ATL2: variants seen among roughly 807,000 people sequenced by gnomAD.
ATL2 encodes atlastin-2.
In ATL2, 31 loss-of-function variants were observed where a neutral mutation model predicts 73.9. The ratio of observed to expected loss-of-function variants is 0.42; its 90% CI spans 0.32 to 0.57. The LOEUF is 0.57. ATL2 is among the 20% of genes least tolerant of loss of function. ATL2 has a pLI of 0.14. For synonymous variants in ATL2, 291 were observed against 237.5 expected, an observed-to-expected ratio of 1.23 and a Z score of -2.07; for missense variants, 738 against 702.6, an observed-to-expected ratio of 1.05 and a Z score of -0.57.
intron 2 of ATL2, among the ~76,000 whole-genome samples, chr2:38,326,624 G>C (rs1668678041): frequency 6.6e-6 from 1 of 152,174 alleles, no homozygotes; most frequent in African/African-American, 2.4e-5. Context: ...AATCTTGAAA[G>C]AAGCCAGGAA....
intron 9 of ATL2, among the ~76,000 whole-genome samples, chr2:38,303,454 A>C (rs1242689279): frequency 6.6e-6 from 1 of 152,050 alleles, no homozygotes; most frequent in East Asian, 1.9e-4. Context: ...AGCCTCCCAA[A>C]GTGCTAGGAT....
At chr2:38,358,803 G>A (rs985518844) in intron 1 of ATL2, 4 of 152,774 alleles carry the variant, frequency 2.6e-5, no homozygotes, top group East Asian at 1.9e-4. Flanking sequence ...AATCACCTGG[G>A]TGAGCTTTTA....
In ATL2 at chr2:38,310,445, T is replaced by C; in HGVS notation, c.807A>G (p.Val269=). 10 of 1,590,074 alleles carry C rather than the reference T, an allele frequency of 6.3e-6. No individual in the cohort carries two copies. The highest frequency in any genetic ancestry group is 8.5e-6 in the Non-Finnish European group (10 of 1,171,252). The change falls in exon 8 of 13, where the codon GTA becomes GTG. Residue 269 remains valine (V), a splice_region_variant and synonymous_variant. Coordinates refer to ENST00000378954, the MANE Select transcript of ATL2 (RefSeq NM_001135673.4). The stretch of plus-strand genomic sequence containing the variant: ...GAAGCTCTTCATGTTGATTTTGTTT[T>C]ACCTGAGGGCGGAGAGAGACAGGTG... The part of the protein sequence containing the change: ...GKQFLEKRLQ[V]KQNQHEELQN...
intron 2 of ATL2, among the ~76,000 whole-genome samples, chr2:38,328,571 C>T (rs557174093): frequency 6.6e-6 from 1 of 152,132 alleles, no homozygotes; most frequent in Admixed American, 6.5e-5. Flanking sequence ...AACAACTCAC[C>T]TCAAAATGAC....
chr2:38,298,716 G>C, intron 11 of ATL2, 141 bp from the exon 12 acceptor site: 1 of 824,512 alleles, frequency 1.2e-6, no homozygotes, highest in Admixed American at 2.7e-5. Context: ...TACCTCACAG[G>C]TTATCATAAT....
chr2:38,360,036 AC>A (rs1359844707), intron 1 of ATL2, among the ~76,000 whole-genome samples: 17 of 151,550 alleles, frequency 1.1e-4, no homozygotes, highest in Non-Finnish European at 1.6e-4. Context: ...AGGCTGAGAC[AC>A]GAGAATCACT....
chr2:38,365,559 G>C (rs1249385449), intron 1 of ATL2, among the ~76,000 whole-genome samples: 2 of 152,216 alleles, frequency 1.3e-5, no homozygotes, highest in South Asian at 2.1e-4. Flanking sequence ...CGGAGGCCAA[G>C]GTGGGTGAAT....
intron 1 of ATL2, among the ~76,000 whole-genome samples, chr2:38,355,786 G>A (rs12712589): frequency 0.28 from 42,295 of 148,516 alleles, 6,013 homozygotes; most frequent in South Asian, 0.36. Flanking sequence ...TGCAACCCCC[G>A]TCTTGCAGGT....
In ATL2 at chr2:38,343,526, A is replaced by C; in HGVS notation, c.119-14T>G. 6.3e-7 allele frequency: 1 copy of C among 1,597,890 alleles called. No individual in the cohort carries two copies. The highest frequency in any genetic ancestry group is 8.5e-7 in the Non-Finnish European group (1 of 1,172,828). On this transcript the variant is annotated splice_polypyrimidine_tract_variant and intron_variant, in intron 1 of 12. Coordinates refer to ENST00000378954, the MANE Select transcript of ATL2 (RefSeq NM_001135673.4). ...CATAATTCTCACCTAGAATTTAAAA[A>C]GAAAGAAACTGGTTACTTTAATCCC...
chr2:38,337,287 CCAGCCTAA>C (rs1462903333), intron 2 of ATL2, among the ~76,000 whole-genome samples: 1 of 151,610 alleles, frequency 6.6e-6, no homozygotes, highest in Non-Finnish European at 1.5e-5. Context: ...GAGTTCCATA[CCAGCCTAA>C]CCAACATGGT....
intron 1 of ATL2, among the ~76,000 whole-genome samples, chr2:38,375,720 T>C (rs1671922783): frequency 6.6e-6 from 1 of 152,254 alleles, no homozygotes; most frequent in African/African-American, 2.4e-5. Flanking sequence ...TCCATCCGCA[T>C]TCCAAAACAA....
At chr2:38,303,632 A>C (rs1667297101) in intron 9 of ATL2, among the ~76,000 whole-genome samples, 1 of 152,218 alleles carries the variant, frequency 6.6e-6, no homozygotes, top group Non-Finnish European at 1.5e-5. Context: ...AATAGCCCCA[A>C]AAGGGCAAAT....
intron 1 of ATL2, among the ~76,000 whole-genome samples, chr2:38,356,827 G>C (rs1670696735): frequency 6.6e-6 from 1 of 151,436 alleles, no homozygotes. Context: ...TTCTATACAT[G>C]TTTCCTCTTG....
chr2:38,303,654 T>C (rs10179857), intron 9 of ATL2, among the ~76,000 whole-genome samples: 55,711 of 152,048 alleles, frequency 0.37, 10,409 homozygotes, highest in South Asian at 0.48. Flanking sequence ...TAAGAGTTCA[T>C]TGCCTTAAAG....
chr2:38,306,175 C>T (rs1397424529), intron 9 of ATL2, among the ~76,000 whole-genome samples: 3 of 152,144 alleles, frequency 2.0e-5, no homozygotes, highest in Non-Finnish European at 4.4e-5. Context: ...ACATATACAA[C>T]CTACCAAGAT....
At chr2:38,305,830 G>C (rs901678086) in intron 9 of ATL2, among the ~76,000 whole-genome samples, 2 of 151,692 alleles carry the variant, frequency 1.3e-5, no homozygotes, top group African/African-American at 2.4e-5. Context: ...CAAAAAAGAG[G>C]AAACACTTCA....
chr2:38,297,100 T>A (rs1228033556), intron 12 of ATL2, among the ~76,000 whole-genome samples: 1 of 152,208 alleles, frequency 6.6e-6, no homozygotes. Flanking sequence ...AACTTCCCAA[T>A]CGGATCTGAA....
chr2:38,298,033 C>G lies in ATL2; in HGVS notation c.1632+111G>C, dbSNP rs1170457763. ...TACATCTGAACAAAACAGAAGACATCCTTTTGACATTCCTCACATGAAGGC... is the reference window on the plus strand; with the variant it reads ...TACATCTGAACAAAACAGAAGACATGCTTTTGACATTCCTCACATGAAGGC... On this transcript the variant is annotated intron_variant, in intron 12 of 12. Coordinates refer to ENST00000378954, the MANE Select transcript of ATL2 (RefSeq NM_001135673.4). 3 of 967,330 alleles carry G rather than the reference C, an allele frequency of 3.1e-6. No homozygotes were observed. In the African/African-American group the frequency reaches 5.0e-5, roughly 16 times the overall value. 59.9% of individuals were successfully genotyped at this position (967,330 alleles called of 1,614,324 possible). A position where few individuals can be genotyped will look rare whatever the true frequency, so the allele number is the denominator to read the frequency against.
At chr2:38,377,366 CCGCCTGTATCTCCTCGCCCT>C (rs1672052709), upstream of ATL2, 2 of 851,290 alleles carry the variant, frequency 2.3e-6, no homozygotes, top group African/African-American at 4.0e-5. Flanking sequence ...GCGCCGCTCT[CCGCCTGTATCTCCTCGCCCT>C]CCGCCTGTAT....
Sources: gnomAD v4.1 joint callset for allele counts (sites outside exome capture counted in the v4.1 genomes callset) on GRCh38, gnomAD v4.1.1 for gene constraint, MANE v1.5 for transcripts, NCBI Gene and HGNC (gene_info 2026-07-23, HGNC 2026-07-21) for gene names.